The following ERBB4 variants were observed in gnomAD, a reference collection of about 807,000 sequenced individuals.
ERBB4 encodes receptor tyrosine-protein kinase erbB-4.
Under a neutral mutation model 158.0 loss-of-function variants are expected in ERBB4, and 42 were observed. The ratio of observed to expected loss-of-function variants is 0.27; its 90% CI spans 0.21 to 0.34. The LOEUF (loss-of-function observed/expected upper bound fraction) is 0.34. ERBB4 is among the 10% of genes least tolerant of loss of function. The pLI, the probability that ERBB4 is intolerant of heterozygous loss-of-function variation, is 1.00. For synonymous variants in ERBB4, 583 were observed against 558.7 expected (o/e 1.04, Z -0.61); for missense variants, 1,333 against 1,624.1 (o/e 0.82, Z 3.08).
chr2:212,235,052 T>C (rs1201562631), intron 1 of ERBB4, among the ~76,000 whole-genome samples: 7 of 152,204 alleles, frequency 4.6e-5, no homozygotes, highest in African/African-American at 1.4e-4. Context: ...TCTTTACCCA[T>C]GCCTATGTCC....
At chr2:212,179,816 C>A (rs1264766886) in intron 1 of ERBB4, among the ~76,000 whole-genome samples, 1 of 151,452 alleles carries the variant, frequency 6.6e-6, no homozygotes, top group Non-Finnish European at 1.5e-5. Context: ...TTAAGTTGAT[C>A]CTATTGAATT....
chr2:211,747,520 G>T (rs1364502046), intron 5 of ERBB4, among the ~76,000 whole-genome samples: 1 of 152,102 alleles, frequency 6.6e-6, no homozygotes, highest in Admixed American at 6.5e-5. Flanking sequence ...AGAAGGCCAC[G>T]TGTCTGCTTG....
intron 1 of ERBB4, among the ~76,000 whole-genome samples, chr2:212,384,826 A>G (rs1360645056): frequency 6.7e-6 from 1 of 149,306 alleles, no homozygotes; most frequent in Non-Finnish European, 1.5e-5. Context: ...GAATTTCTAC[A>G]TGAGGGAATG....
intron 1 of ERBB4, among the ~76,000 whole-genome samples, chr2:212,190,731 T>A (rs1286221411): frequency 6.6e-6 from 1 of 152,116 alleles, no homozygotes; most frequent in Non-Finnish European, 1.5e-5. Flanking sequence ...CTATTTCACA[T>A]CCTAATGATG....
At chr2:211,994,461 T>C (rs2082150683) in intron 2 of ERBB4, among the ~76,000 whole-genome samples, 2 of 152,194 alleles carry the variant, frequency 1.3e-5, no homozygotes, top group South Asian at 4.1e-4. Flanking sequence ...TTACATTATG[T>C]CCATTTTTAG....
At position 211,540,205 on chromosome 2, in the gene ERBB4, T is replaced by TATATATAC. The variant is rs60602351; in HGVS notation, c.2487+21697_2487+21698insGTATATAT. Reference sequence around the variant, plus strand: ...TACATGATTTATATATATATATATATACACACACACATATATATAATACAT... The same window carrying TATATATAC: ...TACATGATTTATATATATATATATATATATATACACACACACACATATATATAATACAT... On this transcript the variant is annotated intron_variant, in intron 20 of 27. Transcript: ENST00000342788. Among the ~76,000 whole-genome samples, 131 of 147,832 alleles carry TATATATAC rather than the reference T, an allele frequency of 8.9e-4. 1 individual carries two copies. The highest frequency in any genetic ancestry group is 3.5e-3 in the Middle Eastern group (1 of 284).
At chr2:211,710,308 C>T (rs2073645763) in intron 9 of ERBB4, among the ~76,000 whole-genome samples, 1 of 151,750 alleles carries the variant, frequency 6.6e-6, no homozygotes, top group Admixed American at 6.6e-5. Flanking sequence ...AGTCAAGTGG[C>T]TCTATCTTCT....
intron 1 of ERBB4, among the ~76,000 whole-genome samples, chr2:212,446,995 C>A: frequency 1.5e-5 from 2 of 136,616 alleles, no homozygotes; most frequent in Middle Eastern, 7.5e-3. Flanking sequence ...CCAAATTTTT[C>A]TTTTTTTTTT....
intron 1 of ERBB4, among the ~76,000 whole-genome samples, chr2:212,507,154 A>G (rs1691236850): frequency 6.6e-6 from 1 of 152,166 alleles, no homozygotes; most frequent in South Asian, 2.1e-4. Flanking sequence ...ATCTGTTGAC[A>G]GCATTGTTAT....
chr2:212,337,112 C>T (rs545404014), intron 1 of ERBB4, among the ~76,000 whole-genome samples: 1 of 151,770 alleles, frequency 6.6e-6, no homozygotes, highest in African/African-American at 2.4e-5. Flanking sequence ...CTTTTTTTTC[C>T]AATAGATTTG....
At chr2:212,438,013 T>C (rs2092174782) in intron 1 of ERBB4, among the ~76,000 whole-genome samples, 1 of 152,132 alleles carries the variant, frequency 6.6e-6, no homozygotes, top group Non-Finnish European at 1.5e-5. Flanking sequence ...TGTACCATGT[T>C]ATCTCATGTG....
At chr2:211,583,210 G>A (rs2068155666) in intron 19 of ERBB4, among the ~76,000 whole-genome samples, 3 of 151,894 alleles carry the variant, frequency 2.0e-5, no homozygotes, top group South Asian at 2.1e-4. Context: ...TATTTACTGA[G>A]CACTTACTAT....
intron 1 of ERBB4, among the ~76,000 whole-genome samples, chr2:212,145,514 T>A (rs80293802): frequency 0.098 from 14,864 of 152,168 alleles, 790 homozygotes; most frequent in Admixed American, 0.14. Context: ...GAGAAGGCAG[T>A]TGTTTTAAAT....
intron 16 of ERBB4, among the ~76,000 whole-genome samples, chr2:211,634,197 A>G (rs1406311190): frequency 1.3e-5 from 2 of 152,226 alleles, no homozygotes; most frequent in Non-Finnish European, 2.9e-5. Context: ...ATCATTGTCT[A>G]AAAGTTTAGC....
chr2:211,925,007 A>G (rs1183288273), intron 3 of ERBB4, among the ~76,000 whole-genome samples: 1 of 152,186 alleles, frequency 6.6e-6, no homozygotes, highest in Non-Finnish European at 1.5e-5. Context: ...AAGAAGATTG[A>G]TAAGTAATGA....
chr2:212,264,548 A>C (rs1007528768), intron 1 of ERBB4, among the ~76,000 whole-genome samples: 1 of 152,096 alleles, frequency 6.6e-6, no homozygotes, highest in African/African-American at 2.4e-5. Context: ...GTTTTTACAG[A>C]GGTCCTGGTC....
intron 20 of ERBB4, among the ~76,000 whole-genome samples, chr2:211,455,870 A>G (rs1162673539): frequency 2.6e-5 from 4 of 152,148 alleles, no homozygotes; most frequent in Non-Finnish European, 5.9e-5. Flanking sequence ...ATTGATACCT[A>G]ATTTTATCAG....
intron 1 of ERBB4, among the ~76,000 whole-genome samples, chr2:212,324,719 G>A (rs1010742847): frequency 6.7e-6 from 1 of 150,268 alleles, no homozygotes; most frequent in Non-Finnish European, 1.5e-5. Context: ...CTTCATAAAA[G>A]CACAATAACA....
intron 1 of ERBB4, among the ~76,000 whole-genome samples, chr2:212,149,779 T>C (rs1412318871): frequency 6.6e-6 from 1 of 152,200 alleles, no homozygotes; most frequent in Non-Finnish European, 1.5e-5. Flanking sequence ...ATTATGCACC[T>C]GCCCTTAAGA....
Sources: gnomAD v4.1 joint callset for allele counts (sites outside exome capture counted in the v4.1 genomes callset) on GRCh38, gnomAD v4.1.1 for gene constraint, MANE v1.5 for transcripts, NCBI Gene and HGNC (gene_info 2026-07-23, HGNC 2026-07-21) for gene names.